Variants in DTNA observed in about 807,000 individuals in gnomAD.
DTNA encodes the protein dystrophin-related protein 3.
In DTNA, 43 loss-of-function variants were observed where a neutral mutation model predicts 100.7. The observed-to-expected ratio is 0.43, with a 90% confidence interval of 0.33 to 0.55. The LOEUF (loss-of-function observed/expected upper bound fraction) is 0.55. DTNA is among the 20% of genes least tolerant of loss of function. The pLI is 0.04. For synonymous variants in DTNA, 349 were observed against 347.9 expected, an observed-to-expected ratio of 1.00 and a Z score of -0.04; for missense variants, 798 against 953.9, an observed-to-expected ratio of 0.84 and a Z score of 2.15.
rs149480003 is a variant in DTNA, at chr18:34,621,090, G to A, written c.-2+127576G>A. On this transcript the variant is annotated intron_variant, in intron 1 of 19. Coordinates refer to the DTNA transcript ENST00000283365. ...GATCCAGAAAAATCTCCTTCTCTCA[G>A]TTCTACAAATGATTACCTAGTATTT... Among the ~76,000 whole-genome samples, 751 of 150,976 alleles carry A rather than the reference G, an allele frequency of 5.0e-3. 8 individuals carry two copies. Among genetic ancestry groups the A allele is most frequent in the African/African-American group, 0.017 (698 of 41,234 alleles).
intron 3 of DTNA, among the ~76,000 whole-genome samples, chr18:34,769,725 C>CTTTTGTTTTTTTTTTTTTTTTTTT (rs2093664476): frequency 1.9e-5 from 1 of 53,872 alleles, no homozygotes; most frequent in Non-Finnish European, 4.1e-5. Context: ...CCCTCTGGGG[C>CTTTTGTTTTTTTTTTTTTTTTTTT]TTTTTTTTTT....
intron 1 of DTNA, among the ~76,000 whole-genome samples, chr18:34,721,575 A>G (rs1051135747): frequency 1.3e-5 from 2 of 152,256 alleles, no homozygotes; most frequent in Admixed American, 1.3e-4. Context: ...AGCTTCTAAC[A>G]TATAAATGAG....
chr18:34,890,573 G>T lies in DTNA; in HGVS notation c.*2839G>T. The T allele has an allele frequency of 7.3e-7, 1 of 1,360,574 alleles. No individual in the cohort carries two copies. Among genetic ancestry groups the T allele is most frequent in the Non-Finnish European group, 9.8e-7 (1 of 1,015,754 alleles). 84.3% of individuals were successfully genotyped at this position (1,360,574 alleles called of 1,614,324 possible). ...AGCTGATAGCCTGTTAATAAGCACT[G>T]GTCTAACACAGCCAACCCTCCTCCA... On this transcript the variant is annotated 3_prime_UTR_variant, in exon 23 of 23. Coordinates refer to ENST00000444659, the MANE Select transcript of DTNA (RefSeq NM_001386795.1).
chr18:34,514,219 T>A (rs886609817), intron 1 of DTNA, among the ~76,000 whole-genome samples: 2 of 152,120 alleles, frequency 1.3e-5, no homozygotes, highest in African/African-American at 4.8e-5. Context: ...TGCATGTGTT[T>A]GTGTATGTGT....
chr18:34,647,212 C>T (rs755823524), intron 1 of DTNA, among the ~76,000 whole-genome samples: 14 of 152,036 alleles, frequency 9.2e-5, no homozygotes, highest in Non-Finnish European at 1.6e-4. Flanking sequence ...ATTAGAAAAG[C>T]CACATGTATA....
upstream of DTNA, among the ~76,000 whole-genome samples, chr18:34,706,859 T>A (rs1261886456): frequency 1.3e-5 from 2 of 152,190 alleles, no homozygotes; most frequent in East Asian, 1.9e-4. Context: ...ATTTTTTAGG[T>A]CAGCTGCTCA....
intron 1 of DTNA, among the ~76,000 whole-genome samples, chr18:34,693,666 C>T (rs1600309574): frequency 6.6e-6 from 1 of 152,008 alleles, no homozygotes; most frequent in East Asian, 1.9e-4. Flanking sequence ...ATATCAGGAA[C>T]TTTCCTACGA....
intron 1 of DTNA, among the ~76,000 whole-genome samples, chr18:34,582,564 G>A (rs2048748247): frequency 6.6e-6 from 1 of 152,164 alleles, no homozygotes; most frequent in African/African-American, 2.4e-5. Flanking sequence ...GGGCAGTACT[G>A]ATGGCAACAG....
At chr18:34,590,686 G>C (rs544466609) in intron 1 of DTNA, among the ~76,000 whole-genome samples, 1 of 152,314 alleles carries the variant, frequency 6.6e-6, no homozygotes, top group African/African-American at 2.4e-5. Flanking sequence ...AAGGGTATCT[G>C]ATTTGCCTGT....
At chr18:34,626,639 G>T (rs973146416) in intron 1 of DTNA, among the ~76,000 whole-genome samples, 1 of 152,102 alleles carries the variant, frequency 6.6e-6, no homozygotes, top group Non-Finnish European at 1.5e-5. Flanking sequence ...ACCTTATGAG[G>T]GGAAAATCAG....
At chr18:34,796,070 A>T (rs112662668) in intron 4 of DTNA, among the ~76,000 whole-genome samples, 1 of 152,256 alleles carries the variant, frequency 6.6e-6, no homozygotes, top group Middle Eastern at 3.2e-3. Context: ...AAGCCTCCTG[A>T]TGTGTACTTT....
chr18:34,829,422 T>A lies in DTNA; in HGVS notation c.1108T>A (p.Ser370Thr). The change falls in exon 11 of 23, where the codon TCC becomes ACC. Residue 370 changes from serine to threonine, a missense_variant. This residue lies in a region of DTNA where 93 missense variants were observed against 90.5 expected (regional missense o/e 1.03). Transcript: ENST00000444659. ...TRRLPEGISASSPVAEEHSLI... is the reference protein window; with the variant it reads ...TRRLPEGISATSPVAEEHSLI... The stretch of plus-strand genomic sequence containing the variant: ...CAGGTTACCTGAGGGAATAAGTGCA[T>A]CCAGCCCTGTGGCTGAAGAGCATTC... The A allele has an allele frequency of 6.5e-7, 1 of 1,535,012 alleles. No individual in the cohort carries two copies. Among genetic ancestry groups the A allele is most frequent in the Non-Finnish European group, 8.7e-7 (1 of 1,146,428 alleles).
intron 1 of DTNA, among the ~76,000 whole-genome samples, chr18:34,619,269 G>A (rs897635161): frequency 6.6e-6 from 1 of 152,048 alleles, no homozygotes; most frequent in Non-Finnish European, 1.5e-5. Context: ...TGTTAAACAG[G>A]TTAACATTTA....
chr18:34,855,682 A>G (rs988879741), intron 15 of DTNA, among the ~76,000 whole-genome samples: 1 of 152,238 alleles, frequency 6.6e-6, no homozygotes, highest in African/African-American at 2.4e-5. Flanking sequence ...TATCAAAAGG[A>G]GGTCAACCCT....
At chr18:34,851,959 G>T in intron 15 of DTNA, 31 bp downstream of exon 15, 1 of 1,604,764 alleles carries the variant, frequency 6.2e-7, no homozygotes, top group Non-Finnish European at 8.5e-7. Flanking sequence ...TGGCTTGTTT[G>T]ATCAATGTGC....
chr18:34,665,120 A>T (rs1461345425), intron 1 of DTNA, among the ~76,000 whole-genome samples: 1 of 152,064 alleles, frequency 6.6e-6, no homozygotes, highest in African/African-American at 2.4e-5. Flanking sequence ...ATGCACCACT[A>T]AAGGGCAAGA....
intron 1 of DTNA, among the ~76,000 whole-genome samples, chr18:34,572,482 A>C (rs1354862241): frequency 6.6e-6 from 1 of 152,304 alleles, no homozygotes; most frequent in Non-Finnish European, 1.5e-5. Flanking sequence ...TATTATTATC[A>C]TCTTTTTGCA....
chr18:34,510,112 G>GTT (rs71379572), intron 1 of DTNA, among the ~76,000 whole-genome samples: 5 of 123,554 alleles, frequency 4.0e-5, no homozygotes, highest in African/African-American at 8.8e-5. Flanking sequence ...GGTTGTTGTT[G>GTT]TTTTTTTTTT....
chr18:34,548,096 G>A (rs1387272966), intron 1 of DTNA, among the ~76,000 whole-genome samples: 1 of 152,144 alleles, frequency 6.6e-6, no homozygotes, highest in African/African-American at 2.4e-5. Context: ...AGGCTTAGGA[G>A]ATTTATTCTT....
Sources: allele counts gnomAD v4.1 joint callset (sites outside exome capture counted in the v4.1 genomes callset), GRCh38; gene constraint gnomAD v4.1.1; regional missense constraint gnomAD v4.1.1; transcripts MANE v1.5; gene names NCBI Gene and HGNC (gene_info 2026-07-23, HGNC 2026-07-21).